NGEF: variants seen among roughly 807,000 people sequenced by gnomAD.
The protein encoded by NGEF is ephexin-1.
NGEF carries 31 observed loss-of-function variants against 80.9 expected under a neutral mutation model. That is an observed-to-expected ratio of 0.38 (90% confidence interval 0.29 to 0.52). NGEF has a LOEUF of 0.52. Ranked by LOEUF, NGEF falls within the 20% of genes least tolerant of loss-of-function variation. The pLI, the probability that NGEF is intolerant of heterozygous loss-of-function variation, is 0.84. For missense variants in NGEF, 709 were observed against 926.2 expected (o/e 0.77, Z 3.04); for synonymous variants, 371 against 370.2 (o/e 1.00, Z -0.03).
intron 4 of NGEF, among the ~76,000 whole-genome samples, chr2:232,922,867 C>T (rs376351846): frequency 1.3e-5 from 2 of 151,968 alleles, no homozygotes; most frequent in East Asian, 1.9e-4. Context: ...GTCAGGAGTT[C>T]GAGACCAGCC....
chr2:232,890,275 G>GCCTGTCAGGTGGAGGGGGTCTCGGT (rs1691838544), intron 8 of NGEF, among the ~76,000 whole-genome samples: 2 of 131,656 alleles, frequency 1.5e-5, no homozygotes, highest in East Asian at 6.4e-4. Context: ...GGGGTCTTGG[G>GCCTGTCAGGTGGAGGGGGTCTCGGT]CCTGCCTCTG....
intron 1 of NGEF, among the ~76,000 whole-genome samples, chr2:232,978,013 T>G (rs1347789718): frequency 6.6e-6 from 1 of 151,974 alleles, no homozygotes; most frequent in African/African-American, 2.4e-5. Flanking sequence ...GCACACTGGT[T>G]TTGCGGTGTT....
rs1194722865 is a variant in NGEF at position 232,883,484 on chromosome 2, G to A, written c.1602-18C>T. 1 of 1,567,222 alleles carries A rather than the reference G, an allele frequency of 6.4e-7. No individual in the cohort carries two copies. ...ACTTGTCTCTGGAGATCAGGGAGAA[G>A]GGCAGGCGTGTCAGCCCCGAGGAGG... On this transcript the variant is annotated intron_variant, in intron 11 of 14. Transcript: ENST00000264051.
chr2:232,957,625 G>A (rs1693856933), intron 3 of NGEF, among the ~76,000 whole-genome samples: 1 of 152,154 alleles, frequency 6.6e-6, no homozygotes, highest in Non-Finnish European at 1.5e-5. Flanking sequence ...GCCCAGCTCA[G>A]TTATTACTAA....
chr2:232,957,608 C>G (rs191737346), intron 3 of NGEF, among the ~76,000 whole-genome samples: 21 of 152,332 alleles, frequency 1.4e-4, no homozygotes, highest in Admixed American at 4.6e-4. Context: ...CAGGTGTCAG[C>G]AACCATGCCC....
intron 1 of NGEF, among the ~76,000 whole-genome samples, chr2:232,984,788 T>G (rs1694500600): frequency 6.6e-6 from 1 of 152,208 alleles, no homozygotes; most frequent in Admixed American, 6.5e-5. Context: ...TTAAACGTTT[T>G]ATTTTATATT....
chr2:232,936,676 T>C (rs1260814388), intron 3 of NGEF, among the ~76,000 whole-genome samples: 1 of 152,232 alleles, frequency 6.6e-6, no homozygotes, highest in East Asian at 1.9e-4. Context: ...AGGTTAGCGC[T>C]ATCTGTGACT....
At chr2:232,953,507 T>G (rs940750922) in intron 3 of NGEF, among the ~76,000 whole-genome samples, 3 of 143,590 alleles carry the variant, frequency 2.1e-5, no homozygotes, top group African/African-American at 8.5e-5. Flanking sequence ...TCTTTTTTTT[T>G]TTAAAAAAAA....
intron 8 of NGEF, 138 bp downstream of exon 8, chr2:232,891,220 A>AGG: frequency 8.5e-7 from 1 of 1,181,498 alleles, no homozygotes; most frequent in Non-Finnish European, 1.2e-6. Flanking sequence ...CTCACTGCCC[A>AGG]GGAACGTGCT....
At position 232,892,849 on chromosome 2, in the gene NGEF, G is replaced by T; in HGVS notation, c.1142+49C>A. 1 of 1,589,644 alleles carries T rather than the reference G, an allele frequency of 6.3e-7. No individual in the cohort carries two copies. On this transcript the variant is annotated intron_variant, in intron 7 of 14. Coordinates refer to ENST00000264051, the MANE Select transcript of NGEF (RefSeq NM_019850.3). This position sits in a 1 kb window ranked among gnomAD's most constrained non-coding sequence, Gnocchi z 4.0. Reference sequence around the variant, plus strand: ...AGCCTGGGCCAGCACTGGTATGGCTGCCCCGGGCACCTCCCCCTGCCCCTG... The same window carrying T: ...AGCCTGGGCCAGCACTGGTATGGCTTCCCCGGGCACCTCCCCCTGCCCCTG...
intron 5 of NGEF, among the ~76,000 whole-genome samples, chr2:232,898,746 C>T (rs1193561061): frequency 6.6e-6 from 1 of 152,208 alleles, no homozygotes; most frequent in African/African-American, 2.4e-5. Flanking sequence ...ACTGGGCACT[C>T]GGCTGTGAAC....
At chr2:232,943,681 G>C (rs1693489347) in intron 3 of NGEF, among the ~76,000 whole-genome samples, 1 of 151,162 alleles carries the variant, frequency 6.6e-6, no homozygotes, top group Non-Finnish European at 1.5e-5. Flanking sequence ...ATTTTTAGTA[G>C]AGACGGGGTT....
At chr2:233,005,971 C>A (rs1048464246) in intron 1 of NGEF, among the ~76,000 whole-genome samples, 8 of 152,194 alleles carry the variant, frequency 5.3e-5, no homozygotes, top group African/African-American at 1.9e-4. Context: ...CACCTGCCAC[C>A]ACATCTGGCT....
intron 3 of NGEF, among the ~76,000 whole-genome samples, chr2:232,928,473 T>A (rs1378815001): frequency 2.0e-5 from 3 of 151,890 alleles, no homozygotes; most frequent in African/African-American, 7.2e-5. Context: ...GGCTCCCCAG[T>A]GCCCGCAGAC....
At chr2:232,881,507 A>G (rs1488554578) in intron 13 of NGEF, among the ~76,000 whole-genome samples, 1 of 152,092 alleles carries the variant, frequency 6.6e-6, no homozygotes, top group Non-Finnish European at 1.5e-5. Context: ...TGTACCTGGG[A>G]TATGGCCCTG....
At chr2:232,879,805 A>C in intron 14 of NGEF, 126 bp from the exon 15 acceptor site, 1 of 816,798 alleles carries the variant, frequency 1.2e-6, no homozygotes, top group Non-Finnish European at 1.9e-6. Context: ...CTTTCCCAAA[A>C]GGCAGCGGCT....
chr2:232,885,927 A>T (rs1265948856), intron 9 of NGEF, among the ~76,000 whole-genome samples: 1 of 152,264 alleles, frequency 6.6e-6, no homozygotes, highest in Non-Finnish European at 1.5e-5. Context: ...CACGCTCGCC[A>T]GCCTCAACAG....
intron 3 of NGEF, among the ~76,000 whole-genome samples, chr2:232,928,754 C>A (rs577266164): frequency 2.3e-4 from 35 of 152,314 alleles, no homozygotes; most frequent in African/African-American, 8.4e-4. Context: ...ACGACCCTGG[C>A]GGGTCTGGGA....
intron 14 of NGEF, among the ~76,000 whole-genome samples, chr2:232,880,617 G>T (rs998893329): frequency 6.6e-6 from 1 of 152,254 alleles, no homozygotes; most frequent in Non-Finnish European, 1.5e-5. Flanking sequence ...TTTGAAAAGG[G>T]AAAGGGGGTC....
Sources: allele counts gnomAD v4.1 joint callset (sites outside exome capture counted in the v4.1 genomes callset), GRCh38; gene constraint gnomAD v4.1.1; non-coding constraint Gnocchi (gnomAD v3.1); transcripts MANE v1.5; gene names NCBI Gene and HGNC (gene_info 2026-07-23, HGNC 2026-07-21).